SHLD1: variants seen among roughly 807,000 people sequenced by gnomAD.
The protein encoded by SHLD1 is shieldin complex subunit 1.
Under a neutral mutation model 5.5 loss-of-function variants are expected in SHLD1, and 3 were observed. That is an observed-to-expected ratio of 0.54 (90% CI 0.25 to 1.40). SHLD1 has a LOEUF of 1.40. SHLD1 is among the 40% of genes most tolerant of loss of function. The probability of loss-of-function intolerance (pLI) is 0.15; values close to 1 mark genes in which losing one functional copy is unlikely to be tolerated. For synonymous variants in SHLD1, 92 were observed against 94.3 expected (o/e 0.98, Z 0.14); for missense variants, 210 against 244.4 (o/e 0.86, Z 0.94).
intron 1 of SHLD1, among the ~76,000 whole-genome samples, chr20:5,771,037 T>C (rs531001642): frequency 2.4e-4 from 36 of 152,190 alleles, no homozygotes; most frequent in Non-Finnish European, 4.1e-4. Flanking sequence ...TCTGATTATA[T>C]GGCTAGAACA....
At chr20:5,846,658 A>C (rs1439508838) in intron 2 of SHLD1, among the ~76,000 whole-genome samples, 1 of 152,200 alleles carries the variant, frequency 6.6e-6, no homozygotes, top group Admixed American at 6.5e-5. Flanking sequence ...TCCTGAAGGA[A>C]ATTGCCTCCC....
At chr20:5,809,175 A>G (rs1398583895) in intron 2 of SHLD1, among the ~76,000 whole-genome samples, 1 of 152,140 alleles carries the variant, frequency 6.6e-6, no homozygotes, top group Non-Finnish European at 1.5e-5. Flanking sequence ...GCTTTTAAAA[A>G]TCACCAAAGA....
In SHLD1 at chr20:5,773,389, G is replaced by T. The variant is rs191490804; in HGVS notation, c.178+346G>T. 6.9e-3 allele frequency: 3,884 copies of T among 559,570 alleles called. 25 individuals are homozygous for T. Among genetic ancestry groups the T allele is most frequent in the Admixed American group, 7.8e-3 (246 of 31,386 alleles). 34.7% of individuals were successfully genotyped at this position (559,570 alleles called of 1,614,324 possible). A position where few individuals can be genotyped will look rare whatever the true frequency, so the allele number is the denominator to read the frequency against. On this transcript the variant is annotated intron_variant, in intron 2 of 2. Coordinates refer to ENST00000303142, the MANE Select transcript of SHLD1 (RefSeq NM_152504.4). ...TTTGTTTTGTTCTTTTAAAACTTCAGAAAATAGCAATGTGGGCCTGTTATG... is the reference window on the plus strand; with the variant it reads ...TTTGTTTTGTTCTTTTAAAACTTCATAAAATAGCAATGTGGGCCTGTTATG...
chr20:5,853,052 G>A (rs756432373), intron 2 of SHLD1, among the ~76,000 whole-genome samples: 7 of 152,134 alleles, frequency 4.6e-5, no homozygotes, highest in Non-Finnish European at 7.3e-5. Flanking sequence ...GGTTTATTAT[G>A]CCTATGAAAA....
At chr20:5,761,756 C>T (rs113978331) in intron 1 of SHLD1, among the ~76,000 whole-genome samples, 4,244 of 151,224 alleles carry the variant, frequency 0.028, 81 homozygotes, top group Non-Finnish European at 0.042. Flanking sequence ...TACAGGTGCA[C>T]GCCACCGCGC....
intron 2 of SHLD1, among the ~76,000 whole-genome samples, chr20:5,802,494 G>T (rs1001201603): frequency 2.6e-5 from 4 of 152,156 alleles, no homozygotes; most frequent in African/African-American, 7.2e-5. Flanking sequence ...GTTAGTATGA[G>T]ATGCAGTGAT....
At position 5,863,416 on chromosome 20, in the gene SHLD1, G is replaced by T. The variant is rs749622214; in HGVS notation, c.571G>T (p.Asp191Tyr). 8 of 1,612,042 alleles carry T rather than the reference G, an allele frequency of 5.0e-6. No homozygotes were observed. The highest frequency in any genetic ancestry group is 6.8e-6 in the Non-Finnish European group (8 of 1,179,268). The change falls in exon 3 of 3, where the codon GAT becomes TAT. Residue 191 changes from aspartate to tyrosine, a missense_variant. Physicochemically the swap from Asp to Tyr is radical, Grantham distance 160 (BLOSUM62 -3). Coordinates refer to ENST00000303142, the MANE Select transcript of SHLD1 (RefSeq NM_152504.4). ...DEKPNPGLSK[D>Y]ITHFLLQQNV... ...AAAGCCAAACCCAGGACTGTCAAAGGATATTACTCATTTCCTCTTGCAGCA... is the reference window on the plus strand; with the variant it reads ...AAAGCCAAACCCAGGACTGTCAAAGTATATTACTCATTTCCTCTTGCAGCA...
intron 2 of SHLD1, among the ~76,000 whole-genome samples, chr20:5,846,735 A>G (rs901505129): frequency 2.0e-5 from 3 of 152,184 alleles, no homozygotes; most frequent in Non-Finnish European, 2.9e-5. Flanking sequence ...GATCGGGGGA[A>G]CCATAGATTT....
intron 2 of SHLD1, among the ~76,000 whole-genome samples, chr20:5,790,640 G>T (rs1381438945): frequency 6.6e-6 from 1 of 151,862 alleles, no homozygotes; most frequent in Non-Finnish European, 1.5e-5. Context: ...TTTTAGTAGA[G>T]ACGGGGTTTC....
In SHLD1 at chr20:5,844,799, A is replaced by ATATATT. The variant is rs1460082835; in HGVS notation, c.179-18224_179-18223insATATTT. 9.9e-3 allele frequency among the ~76,000 whole-genome samples: 710 copies of ATATATT among 71,638 alleles called. 7 individuals are homozygous for ATATATT. Among genetic ancestry groups the ATATATT allele is most frequent in the Non-Finnish European group, 0.015 (481 of 32,158 alleles). 47.0% of individuals were successfully genotyped at this position (71,638 alleles called of 152,430 possible). A position where few individuals can be genotyped will look rare whatever the true frequency, so the allele number is the denominator to read the frequency against. On this transcript the variant is annotated intron_variant, in intron 2 of 2. Transcript: ENST00000303142. ...TATATATATATATATATATATATAT[A>ATATATT]TTTTTTTTTTTTTGAGACACAGTCT...
intron 2 of SHLD1, among the ~76,000 whole-genome samples, chr20:5,846,467 C>T (rs924031467): frequency 1.3e-5 from 2 of 152,230 alleles, no homozygotes; most frequent in African/African-American, 4.8e-5. Flanking sequence ...GCCATAGCAA[C>T]CAAGATCCAA....
chr20:5,831,250 G>C (rs1195895625), intron 2 of SHLD1, among the ~76,000 whole-genome samples: 1 of 152,146 alleles, frequency 6.6e-6, no homozygotes, highest in African/African-American at 2.4e-5. Flanking sequence ...CTTCAGCCTA[G>C]CCATGGTCTT....
intron 2 of SHLD1, among the ~76,000 whole-genome samples, chr20:5,776,555 G>A (rs1568496920): frequency 6.6e-6 from 1 of 152,044 alleles, no homozygotes; most frequent in Non-Finnish European, 1.5e-5. Flanking sequence ...CTGAGGTCAG[G>A]GGTTCTAGAC....
intron 2 of SHLD1, among the ~76,000 whole-genome samples, chr20:5,812,668 C>A (rs1353373058): frequency 6.6e-6 from 1 of 152,126 alleles, no homozygotes; most frequent in Non-Finnish European, 1.5e-5. Context: ...ATGCAGAGTT[C>A]TTTTCTGTTT....
chr20:5,767,584 T>C (rs1204407688), intron 1 of SHLD1, among the ~76,000 whole-genome samples: 1 of 152,202 alleles, frequency 6.6e-6, no homozygotes, highest in East Asian at 1.9e-4. Flanking sequence ...AATGAATTCT[T>C]GTTCATGAGA....
At chr20:5,761,371 A>G (rs759526827) in intron 1 of SHLD1, among the ~76,000 whole-genome samples, 2 of 151,804 alleles carry the variant, frequency 1.3e-5, no homozygotes, top group African/African-American at 4.8e-5. Context: ...ATGTATACCT[A>G]CATAACAAAT....
At chr20:5,833,814 C>T (rs1353617737) in intron 2 of SHLD1, among the ~76,000 whole-genome samples, 1 of 151,546 alleles carries the variant, frequency 6.6e-6, no homozygotes. Flanking sequence ...AGAGAGGGGG[C>T]AGGTGAGGGG....
intron 2 of SHLD1, among the ~76,000 whole-genome samples, chr20:5,856,922 C>A (rs1165648277): frequency 1.3e-5 from 2 of 152,142 alleles, no homozygotes; most frequent in Admixed American, 6.5e-5. Flanking sequence ...ATCTTATGTT[C>A]CCATTTGCAA....
At chr20:5,828,139 C>T (rs1372875907) in intron 2 of SHLD1, among the ~76,000 whole-genome samples, 6 of 152,148 alleles carry the variant, frequency 3.9e-5, no homozygotes, top group Non-Finnish European at 2.9e-5. Context: ...TTGCCTCCCC[C>T]CAACATACAT....
Sources: allele counts gnomAD v4.1 joint callset (sites outside exome capture counted in the v4.1 genomes callset), GRCh38; gene constraint gnomAD v4.1.1; transcripts MANE v1.5; gene names NCBI Gene and HGNC (gene_info 2026-07-23, HGNC 2026-07-21).